The following ADAMTS20 variants were observed in gnomAD, a reference collection of about 807,000 sequenced individuals.
ADAMTS20 encodes the protein ADAM metallopeptidase with thrombospondin type 1 motif 20.
A neutral mutation model predicts 260.1 loss-of-function variants in ADAMTS20; 225 were observed. The observed-to-expected ratio is 0.87, with a 90% CI of 0.78 to 0.97. The LOEUF is 0.97. Among genes scored for constraint, ADAMTS20 ranks in the 50% least tolerant of loss-of-function variants. ADAMTS20 has a pLI of 0.00. For missense variants in ADAMTS20, 2,400 were observed against 2,337.7 expected (o/e 1.03, Z -0.55); for synonymous variants, 802 against 769.5 (o/e 1.04, Z -0.70).
At chr12:43,545,576 T>A (rs906430618) in intron 2 of ADAMTS20, among the ~76,000 whole-genome samples, 2 of 152,304 alleles carry the variant, frequency 1.3e-5, no homozygotes, top group Non-Finnish European at 1.5e-5. Context: ...TTGAAATCCA[T>A]CACAGTGTTT....
At chr12:43,486,118 T>C (rs1942519075) in intron 7 of ADAMTS20, among the ~76,000 whole-genome samples, 1 of 151,944 alleles carries the variant, frequency 6.6e-6, no homozygotes, top group Admixed American at 6.6e-5. Context: ...ACCCAGTAGC[T>C]AAGGCAATCC....
At chr12:43,425,315 G>C (rs1196746148) in intron 28 of ADAMTS20, among the ~76,000 whole-genome samples, 199 bp downstream of exon 28, 1 of 152,116 alleles carries the variant, frequency 6.6e-6, no homozygotes, top group Non-Finnish European at 1.5e-5. Context: ...TGGATGCCGT[G>C]CTTAATAGCT....
chr12:43,490,418 G>C lies in ADAMTS20; in HGVS notation c.1094C>G (p.Ser365Cys). ...VLITREDICS[S>C]KEKCNMLGLS... is the part of the protein sequence containing the mutation. ...ACCTAACATGTTACATTTCTCTTTAGATGAACAAATGTCTTCCCTTAAAAT... is the reference window on the plus strand; with the variant it reads ...ACCTAACATGTTACATTTCTCTTTACATGAACAAATGTCTTCCCTTAAAAT... Residue 365 changes from serine (S) to cysteine (C), a missense_variant, in exon 7 of 39, where the codon TCT (serine) becomes TGT (cysteine). Transcript: ENST00000389420. 1 of 1,298,694 alleles carries C rather than the reference G, an allele frequency of 7.7e-7. No individual in the cohort carries two copies. Among genetic ancestry groups the C allele is most frequent in the Non-Finnish European group, 1.0e-6 (1 of 963,056 alleles). The allele number at this position is 1,298,694 out of a possible 1,614,324, so 80.4% of individuals were successfully genotyped here. A position where few individuals can be genotyped will look rare whatever the true frequency, so the allele number is the denominator to read the frequency against.
At chr12:43,445,003 T>G (rs1179794926) in intron 15 of ADAMTS20, among the ~76,000 whole-genome samples, 1 of 152,188 alleles carries the variant, frequency 6.6e-6, no homozygotes, top group Non-Finnish European at 1.5e-5. Context: ...AAGAATAATT[T>G]TAATTAACCT....
In ADAMTS20 at chr12:43,376,124, C is replaced by A; in HGVS notation, c.5245G>T (p.Glu1749Ter). 6.2e-7 allele frequency: 1 copy of A among 1,609,242 alleles called. No individual in the cohort carries two copies. The highest frequency in any genetic ancestry group is 1.1e-5 in the South Asian group (1 of 89,688). Residue 1749 changes from glutamate to a stop codon, truncating the protein, a stop_gained, in exon 35 of 39, where the codon GAG becomes TAG. Coordinates refer to ENST00000389420, the MANE Select transcript of ADAMTS20 (RefSeq NM_025003.5). LOFTEE classifies it high-confidence loss of function. The part of the protein sequence containing the change: ...IKIYCADMYL[E>*]NPKEYLTLVQ... ...AGTGTTAAATATTCCTTAGGGTTCT[C>A]CAAGTACATGTCTGCACAATAAATC...
intron 3 of ADAMTS20, among the ~76,000 whole-genome samples, chr12:43,503,710 C>T (rs527910601): frequency 1.3e-5 from 2 of 152,114 alleles, no homozygotes; most frequent in East Asian, 1.9e-4. Flanking sequence ...CTGATCCTCT[C>T]CCTCCTCCCA....
intron 4 of ADAMTS20, among the ~76,000 whole-genome samples, chr12:43,501,132 C>A (rs1942753640): frequency 7.2e-6 from 1 of 139,500 alleles, no homozygotes. Flanking sequence ...GATCTCGGCT[C>A]ACTGCAACCT....
intron 4 of ADAMTS20, among the ~76,000 whole-genome samples, chr12:43,500,777 A>T (rs10785435): frequency 7.0e-4 from 107 of 151,936 alleles, no homozygotes; most frequent in African/African-American, 2.3e-3. Flanking sequence ...GAGTACCCAC[A>T]CTGTATCATA....
chr12:43,479,906 G>C (rs1942416044), intron 7 of ADAMTS20, among the ~76,000 whole-genome samples: 1 of 152,014 alleles, frequency 6.6e-6, no homozygotes, highest in Non-Finnish European at 1.5e-5. Context: ...CAATATTTCA[G>C]TGAATTGACC....
At chr12:43,525,395 C>T (rs1044479071) in intron 3 of ADAMTS20, among the ~76,000 whole-genome samples, 2 of 152,148 alleles carry the variant, frequency 1.3e-5, no homozygotes, top group African/African-American at 4.8e-5. Context: ...AATCTTGAAA[C>T]AAAAGCTTAA....
intron 28 of ADAMTS20, among the ~76,000 whole-genome samples, chr12:43,414,153 C>A (rs1024774272): frequency 6.6e-6 from 1 of 152,062 alleles, no homozygotes; most frequent in South Asian, 2.1e-4. Flanking sequence ...GGAGACTAAT[C>A]TTTCTTCTCT....
rs780417106 is a variant in ADAMTS20 at position 43,443,808 on chromosome 12, G to A, written c.2273C>T (p.Pro758Leu). The A allele has an allele frequency of 6.2e-7, 1 of 1,612,060 alleles. No homozygotes were observed. The highest frequency in any genetic ancestry group is 8.5e-7 in the Non-Finnish European group (1 of 1,178,578). Residue 758 changes from proline (P) to leucine (L), a missense_variant, in exon 16 of 39, where the codon CCA becomes CTA. Coordinates refer to ENST00000389420, the MANE Select transcript of ADAMTS20 (RefSeq NM_025003.5). Reference sequence around the variant, plus strand: ...ATGTTTACCAAGGTAACTGTCATCTGGTTGTCCAGAATAGCTGTACTGACG... The same window carrying A: ...ATGTTTACCAAGGTAACTGTCATCTAGTTGTCCAGAATAGCTGTACTGACG... ...DIRQYSYSGQ[P>L]DDSYLALSDA...
At chr12:43,386,662 T>C (rs1940485244) in intron 29 of ADAMTS20, among the ~76,000 whole-genome samples, 2 of 152,204 alleles carry the variant, frequency 1.3e-5, no homozygotes, top group Non-Finnish European at 2.9e-5. Context: ...TGTCCCACAA[T>C]TCTTGGAGGC....
chr12:43,472,860 C>A (rs1389480961), intron 7 of ADAMTS20, among the ~76,000 whole-genome samples: 1 of 148,610 alleles, frequency 6.7e-6, no homozygotes, highest in Non-Finnish European at 1.5e-5. Flanking sequence ...AAGGAACAAC[C>A]GGTACCAGCC....
chr12:43,431,378 C>G lies in ADAMTS20; in HGVS notation c.3215G>C (p.Cys1072Ser). The G allele has an allele frequency of 6.2e-7, 1 of 1,613,978 alleles. No homozygotes were observed. Among genetic ancestry groups the G allele is most frequent in the East Asian group, 2.2e-5 (1 of 44,878 alleles). Residue 1072 changes from cysteine to serine, a missense_variant, in exon 22 of 39, where the codon TGT becomes TCT. Physicochemically the swap from Cys to Ser is moderately radical, Grantham distance 112 (BLOSUM62 -1). Transcript: ENST00000389420. Reference protein sequence around the residue: ...SSTKPESLSPCELHTCASWQV... With the variant: ...SSTKPESLSPSELHTCASWQV... ...CCAGGAAGCACATGTATGAAGTTCA[C>G]ATGGACTCAGAGATTCAGGTTTGGT... is the stretch of plus-strand genomic sequence containing the variant.
intron 2 of ADAMTS20, among the ~76,000 whole-genome samples, chr12:43,545,193 G>A (rs1205240318): frequency 6.6e-6 from 1 of 152,082 alleles, no homozygotes; most frequent in Non-Finnish European, 1.5e-5. Context: ...TACAACACTG[G>A]TCTTCTCAGT....
At chr12:43,437,790 A>G (rs1010521436) in intron 18 of ADAMTS20, among the ~76,000 whole-genome samples, 1 of 152,226 alleles carries the variant, frequency 6.6e-6, no homozygotes, top group African/African-American at 2.4e-5. Context: ...AATACTGAAG[A>G]GAATTCCCAG....
At chr12:43,510,225 T>C (rs1313908307) in intron 3 of ADAMTS20, among the ~76,000 whole-genome samples, 1 of 151,992 alleles carries the variant, frequency 6.6e-6, no homozygotes, top group African/African-American at 2.4e-5. Flanking sequence ...CAAGTACTCA[T>C]AAAATTTGTA....
At chr12:43,492,312 G>A (rs539539212) in intron 6 of ADAMTS20, among the ~76,000 whole-genome samples, 193 bp downstream of exon 6, 8 of 151,792 alleles carry the variant, frequency 5.3e-5, no homozygotes, top group South Asian at 4.2e-4. Flanking sequence ...CCCAGGAGGC[G>A]GAGCTTGCAG....
Sources: gnomAD v4.1 joint callset for allele counts (sites outside exome capture counted in the v4.1 genomes callset) on GRCh38, gnomAD v4.1.1 for gene constraint, MANE v1.5 for transcripts, NCBI Gene and HGNC (gene_info 2026-07-23, HGNC 2026-07-21) for gene names.